The following PRKCA variants were observed in gnomAD, a reference collection of about 807,000 sequenced individuals.
PRKCA encodes protein kinase C alpha.
In PRKCA, 27 loss-of-function variants were observed where a neutral mutation model predicts 87.0. That is an observed-to-expected ratio of 0.31 (90% CI 0.23 to 0.43). PRKCA has a LOEUF of 0.43. Among genes scored for constraint, PRKCA ranks in the 20% least tolerant of loss-of-function variants. The pLI, the probability that PRKCA is intolerant of heterozygous loss-of-function variation, is 1.00. For missense variants in PRKCA, 518 were observed against 852.3 expected (o/e 0.61, Z 4.88); for synonymous variants, 329 against 311.1 (o/e 1.06, Z -0.61).
chr17:66,717,634 G>A (rs1218887845), intron 8 of PRKCA, among the ~76,000 whole-genome samples: 1 of 152,186 alleles, frequency 6.6e-6, no homozygotes, highest in African/African-American at 2.4e-5. Context: ...GGAAACGTAC[G>A]GGATGATCCA....
intron 8 of PRKCA, among the ~76,000 whole-genome samples, chr17:66,708,849 C>A (rs1268224190): frequency 6.6e-6 from 1 of 152,116 alleles, no homozygotes; most frequent in Non-Finnish European, 1.5e-5. Flanking sequence ...TTGTTAGTTC[C>A]CTTTAATCTT....
intron 3 of PRKCA, among the ~76,000 whole-genome samples, chr17:66,592,190 A>C (rs1265003140): frequency 6.6e-6 from 1 of 152,032 alleles, no homozygotes; most frequent in East Asian, 1.9e-4. Flanking sequence ...CCCCGTCTCT[A>C]CTACAAATAC....
intron 16 of PRKCA, among the ~76,000 whole-genome samples, chr17:66,791,455 T>C (rs4791040): frequency 0.13 from 20,252 of 152,122 alleles, 2,403 homozygotes; most frequent in African/African-American, 0.31. Context: ...ACAGTGAAGA[T>C]AGAAGCACGT....
At chr17:66,710,088 G>A (rs1325984580) in intron 8 of PRKCA, among the ~76,000 whole-genome samples, 2 of 152,096 alleles carry the variant, frequency 1.3e-5, no homozygotes, top group East Asian at 3.9e-4. Flanking sequence ...TTCAGACATG[G>A]AAATGCCACA....
rs546590542 is a variant in PRKCA, at chr17:66,453,346, C to T, written c.206-42855C>T. On this transcript the variant is annotated intron_variant, in intron 2 of 16. Coordinates refer to ENST00000413366, the MANE Select transcript of PRKCA (RefSeq NM_002737.3). Reference sequence around the variant, plus strand: ...TTTTTTTCTTTTTTTGAGATAGAGTCTTGCTTTGTCACCCAGACTGGAGCG... The same window carrying T: ...TTTTTTTCTTTTTTTGAGATAGAGTTTTGCTTTGTCACCCAGACTGGAGCG... Among the ~76,000 whole-genome samples, 3 of 150,748 alleles carry T rather than the reference C, an allele frequency of 2.0e-5. 1 individual carries two copies. The highest frequency in any genetic ancestry group is 2.0e-4 in the Admixed American group (3 of 15,130).
At chr17:66,662,762 C>G (rs1054728477) in intron 5 of PRKCA, among the ~76,000 whole-genome samples, 13 of 151,864 alleles carry the variant, frequency 8.6e-5, no homozygotes, top group Admixed American at 6.6e-4. Context: ...CTGCTTTATA[C>G]TCTCAGATTA....
intron 8 of PRKCA, among the ~76,000 whole-genome samples, chr17:66,726,677 C>T (rs945838514): frequency 6.6e-6 from 1 of 151,284 alleles, no homozygotes; most frequent in Admixed American, 6.6e-5. Flanking sequence ...AAGCACTCAG[C>T]CTTCTCTCTG....
At chr17:66,716,722 A>G (rs1235934912) in intron 8 of PRKCA, among the ~76,000 whole-genome samples, 2 of 152,202 alleles carry the variant, frequency 1.3e-5, no homozygotes. Context: ...CTAGAGGTGA[A>G]TATTATGTGG....
At chr17:66,766,129 G>A (rs1248048909) in intron 13 of PRKCA, among the ~76,000 whole-genome samples, 2 of 152,210 alleles carry the variant, frequency 1.3e-5, no homozygotes, top group African/African-American at 4.8e-5. Context: ...GAGGATGAGT[G>A]CTGTCACGAG....
At chr17:66,636,022 G>T (rs1310109033) in intron 3 of PRKCA, among the ~76,000 whole-genome samples, 1 of 152,038 alleles carries the variant, frequency 6.6e-6, no homozygotes, top group East Asian at 1.9e-4. Context: ...TTTAGCAGTG[G>T]TCTCCCTCTT....
At chr17:66,724,683 G>A (rs1330409691) in intron 8 of PRKCA, among the ~76,000 whole-genome samples, 2 of 152,252 alleles carry the variant, frequency 1.3e-5, no homozygotes, top group Non-Finnish European at 2.9e-5. Flanking sequence ...GTTGGGCCGT[G>A]TTTGTATTGC....
At chr17:66,712,079 G>A (rs1273536502) in intron 8 of PRKCA, among the ~76,000 whole-genome samples, 2 of 151,860 alleles carry the variant, frequency 1.3e-5, no homozygotes, top group Non-Finnish European at 2.9e-5. Context: ...TGTTGACTTT[G>A]GATACACATC....
intron 3 of PRKCA, among the ~76,000 whole-genome samples, chr17:66,496,501 A>G (rs767283371): frequency 1.3e-5 from 2 of 152,240 alleles, no homozygotes; most frequent in Non-Finnish European, 2.9e-5. Context: ...GGTAGCATGT[A>G]CTGTTCCACT....
At chr17:66,788,018 G>A (rs1380428135) in intron 15 of PRKCA, among the ~76,000 whole-genome samples, 1 of 152,162 alleles carries the variant, frequency 6.6e-6, no homozygotes, top group East Asian at 1.9e-4. Context: ...AACCTTCTGG[G>A]GCATGTGTTT....
At chr17:66,787,281 A>G (rs142760137) in intron 15 of PRKCA, 6,453 of 478,020 alleles carry the variant, frequency 0.013, 65 homozygotes, top group Middle Eastern at 0.021. Flanking sequence ...ATTGCTATGC[A>G]GTGTTCCACT....
chr17:66,608,185 C>T (rs79950394), intron 3 of PRKCA, among the ~76,000 whole-genome samples: 3,772 of 152,090 alleles, frequency 0.025, 138 homozygotes, highest in East Asian at 0.14. Flanking sequence ...TGGAGCACAC[C>T]GATTGGAGCA....
chr17:66,360,839 C>T (rs1018466161), intron 2 of PRKCA, among the ~76,000 whole-genome samples: 3 of 152,080 alleles, frequency 2.0e-5, no homozygotes, highest in African/African-American at 7.2e-5. Context: ...TCCAAAGTGG[C>T]GCTTAGAGGA....
At chr17:66,518,893 C>A (rs1211112860) in intron 3 of PRKCA, among the ~76,000 whole-genome samples, 1 of 152,054 alleles carries the variant, frequency 6.6e-6, no homozygotes, top group Non-Finnish European at 1.5e-5. Context: ...TAAGGGACTC[C>A]CTGAAATGGA....
chr17:66,647,582 T>A (rs1312560655), intron 5 of PRKCA, among the ~76,000 whole-genome samples: 3 of 152,196 alleles, frequency 2.0e-5, no homozygotes, highest in Non-Finnish European at 4.4e-5. Flanking sequence ...GTATCTCCTA[T>A]AAACCTCAAG....
Sources: allele counts gnomAD v4.1 joint callset (sites outside exome capture counted in the v4.1 genomes callset), GRCh38; gene constraint gnomAD v4.1.1; transcripts MANE v1.5; gene names NCBI Gene and HGNC (gene_info 2026-07-23, HGNC 2026-07-21).